HS3ST5: variants seen among roughly 807,000 people sequenced by gnomAD.
HS3ST5 encodes heparan sulfate-glucosamine 3-sulfotransferase 5, also known as heparan sulfate glucosamine 3-O-sulfotransferase 5.
HS3ST5 carries 10 observed loss-of-function variants against 25.4 expected under a neutral mutation model. That is an observed-to-expected ratio of 0.39 (90% CI 0.24 to 0.67). The LOEUF (loss-of-function observed/expected upper bound fraction) is 0.67, where lower values mean the gene tolerates loss of function less well. Among genes scored for constraint, HS3ST5 ranks in the 30% least tolerant of loss-of-function variants. The pLI is 0.44. For synonymous variants in HS3ST5, 170 were observed against 162.4 expected (o/e 1.05, Z -0.36); for missense variants, 324 against 420.7 (o/e 0.77, Z 2.01).
intron 3 of HS3ST5, among the ~76,000 whole-genome samples, chr6:114,067,258 T>G (rs1773504209): frequency 6.6e-6 from 1 of 152,156 alleles, no homozygotes; most frequent in African/African-American, 2.4e-5. Context: ...GTATAAATAA[T>G]TACAGGACCA....
At chr6:114,267,787 A>G (rs1773471924) in intron 1 of HS3ST5, among the ~76,000 whole-genome samples, 1 of 152,136 alleles carries the variant, frequency 6.6e-6, no homozygotes, top group Non-Finnish European at 1.5e-5. Flanking sequence ...GTTTTTGTAC[A>G]GTATCTACAT....
chr6:114,181,213 C>CA (rs1779952652), intron 2 of HS3ST5, among the ~76,000 whole-genome samples: 2 of 152,284 alleles, frequency 1.3e-5, no homozygotes, highest in South Asian at 4.2e-4. Context: ...CTCAAGGTGA[C>CA]AAACTTGAAT....
intron 1 of HS3ST5, among the ~76,000 whole-genome samples, chr6:114,253,266 G>A (rs1353005602): frequency 6.6e-6 from 1 of 152,100 alleles, no homozygotes; most frequent in African/African-American, 2.4e-5. Flanking sequence ...ATTTCAACAT[G>A]TAATCATAAA....
At chr6:114,103,574 CTTTCT>C (rs1240292683) in intron 3 of HS3ST5, among the ~76,000 whole-genome samples, 1 of 151,786 alleles carries the variant, frequency 6.6e-6, no homozygotes, top group Non-Finnish European at 1.5e-5. Flanking sequence ...CTTTCTTTCT[CTTTCT>C]TTTTTTAAAT....
At chr6:114,259,854 T>C (rs1421814092) in intron 1 of HS3ST5, among the ~76,000 whole-genome samples, 1 of 152,206 alleles carries the variant, frequency 6.6e-6, no homozygotes, top group Non-Finnish European at 1.5e-5. Context: ...GAAGCTAATA[T>C]TATAACTAAC....
chr6:114,126,520 T>C (rs1777046886), intron 3 of HS3ST5, among the ~76,000 whole-genome samples: 1 of 152,210 alleles, frequency 6.6e-6, no homozygotes, highest in African/African-American at 2.4e-5. Context: ...ACTTAAGCAT[T>C]CTTGGGACTG....
intron 2 of HS3ST5, among the ~76,000 whole-genome samples, chr6:114,182,735 A>C (rs1780030663): frequency 6.6e-6 from 1 of 152,180 alleles, no homozygotes; most frequent in African/African-American, 2.4e-5. Context: ...TCCAGGTGGC[A>C]TCCTCCAGTT....
intron 3 of HS3ST5, among the ~76,000 whole-genome samples, chr6:114,104,160 T>A (rs1160736598): frequency 6.6e-6 from 1 of 152,074 alleles, no homozygotes; most frequent in Non-Finnish European, 1.5e-5. Flanking sequence ...AAGTGACAGG[T>A]CTTGGAATTA....
At chr6:114,266,742 C>A (rs1031446525) in intron 1 of HS3ST5, among the ~76,000 whole-genome samples, 6 of 152,096 alleles carry the variant, frequency 3.9e-5, no homozygotes, top group African/African-American at 1.2e-4. Flanking sequence ...TATGTTTGCT[C>A]TAACTTTTAT....
chr6:114,308,165 A>C (rs192720989), intron 1 of HS3ST5, among the ~76,000 whole-genome samples: 2 of 152,228 alleles, frequency 1.3e-5, no homozygotes, highest in African/African-American at 2.4e-5. Context: ...TATACTAGTA[A>C]GTTTAGGAAT....
intron 4 of HS3ST5, among the ~76,000 whole-genome samples, chr6:114,060,467 G>A (rs927574657): frequency 6.6e-6 from 1 of 152,168 alleles, no homozygotes; most frequent in African/African-American, 2.4e-5. Flanking sequence ...GCTTTTAATT[G>A]TGACACTGAT....
chr6:114,151,159 A>G (rs1284684537), intron 3 of HS3ST5, among the ~76,000 whole-genome samples: 1 of 152,196 alleles, frequency 6.6e-6, no homozygotes, highest in African/African-American at 2.4e-5. Context: ...AATCATGTTG[A>G]GTTAGGATTT....
chr6:114,238,894 A>G (rs1327342740), intron 1 of HS3ST5: 1 of 152,196 alleles, frequency 6.6e-6, no homozygotes, highest in African/African-American at 2.4e-5. Context: ...TTGGCTGAAT[A>G]ATATATAAAA....
chr6:114,341,258 A>AGAGAGAGAGT (rs1562281461), intron 1 of HS3ST5, among the ~76,000 whole-genome samples: 1 of 147,846 alleles, frequency 6.8e-6, no homozygotes, highest in African/African-American at 2.5e-5. Context: ...AGAGAGAGAG[A>AGAGAGAGAGT]GAGTGAGTCC....
At chr6:114,063,184 G>C (rs534257549) in intron 3 of HS3ST5, among the ~76,000 whole-genome samples, 2 of 152,306 alleles carry the variant, frequency 1.3e-5, no homozygotes, top group South Asian at 4.1e-4. Context: ...TTGTGTGTGT[G>C]TGTGTATATA....
intron 3 of HS3ST5, among the ~76,000 whole-genome samples, chr6:114,124,564 T>A (rs771315376): frequency 3.9e-4 from 59 of 152,150 alleles, no homozygotes; most frequent in Admixed American, 1.1e-3. Context: ...ATATCCTAGT[T>A]TATATTAATA....
intron 3 of HS3ST5, among the ~76,000 whole-genome samples, chr6:114,167,197 C>T (rs1562223151): frequency 6.6e-6 from 1 of 152,170 alleles, no homozygotes; most frequent in African/African-American, 2.4e-5. Context: ...GGTCACTGCG[C>T]ACATGTGTGT....
At chr6:114,068,217 G>A (rs1205816563) in intron 3 of HS3ST5, among the ~76,000 whole-genome samples, 2 of 152,158 alleles carry the variant, frequency 1.3e-5, no homozygotes, top group Admixed American at 6.5e-5. Context: ...GATGGCGCAT[G>A]CATACACACA....
At chr6:114,252,204 C>G (rs1582760132) in intron 1 of HS3ST5, among the ~76,000 whole-genome samples, 1 of 151,856 alleles carries the variant, frequency 6.6e-6, no homozygotes, top group East Asian at 1.9e-4. Flanking sequence ...GTCTCTATGC[C>G]TTCATGCAGA....
Sources: gnomAD v4.1 joint callset for allele counts (sites outside exome capture counted in the v4.1 genomes callset) on GRCh38, gnomAD v4.1.1 for gene constraint, MANE v1.5 for transcripts, NCBI Gene and HGNC (gene_info 2026-07-23, HGNC 2026-07-21) for gene names.